Variants in CCDC93 observed in about 807,000 individuals in gnomAD.
CCDC93 encodes CCC complex scaffolding subunit CCDC93.
Under a neutral mutation model 108.2 loss-of-function variants are expected in CCDC93, and 61 were observed. That is an observed-to-expected ratio of 0.56 (90% CI 0.46 to 0.70). The LOEUF (loss-of-function observed/expected upper bound fraction) is 0.70, where lower values mean the gene tolerates loss of function less well. Among genes scored for constraint, CCDC93 ranks in the 30% least tolerant of loss-of-function variants. The pLI, the probability that CCDC93 is intolerant of heterozygous loss-of-function variation, is 0.00. For synonymous variants in CCDC93, 276 were observed against 260.4 expected, an observed-to-expected ratio of 1.06 and a Z score of -0.58; for missense variants, 685 against 764.2, an observed-to-expected ratio of 0.90 and a Z score of 1.22.
intron 3 of CCDC93, among the ~76,000 whole-genome samples, chr2:118,005,002 T>C (rs775505187): frequency 4.6e-5 from 7 of 152,210 alleles, no homozygotes; most frequent in Non-Finnish European, 7.3e-5. Flanking sequence ...AACTTATAAA[T>C]AGTCACATAA....
rs560592990 is a variant in CCDC93, at chr2:117,917,523, G to A, written c.*2820C>T. 6.6e-6 allele frequency: 1 copy of A among 152,578 alleles called. No individual in the cohort carries two copies. The highest frequency in any genetic ancestry group is 1.5e-5 in the Non-Finnish European group (1 of 68,048). The allele number at this position is 152,578 out of a possible 1,614,324, so 9.5% of individuals were successfully genotyped here. A position where few individuals can be genotyped will look rare whatever the true frequency, so the allele number is the denominator to read the frequency against. ...TGAAAATATTAAGGGCTACGAGCTA[G>A]AACCATTAAAACCATGAACTTCGGA... On this transcript the variant is annotated 3_prime_UTR_variant, in exon 24 of 24. Coordinates refer to ENST00000376300, the MANE Select transcript of CCDC93 (RefSeq NM_019044.5).
At chr2:118,006,228 G>T (rs1381855866) in intron 3 of CCDC93, among the ~76,000 whole-genome samples, 1 of 152,204 alleles carries the variant, frequency 6.6e-6, no homozygotes, top group East Asian at 1.9e-4. Flanking sequence ...GAGGCCCACA[G>T]AAGGAGTGGC....
At chr2:117,923,064 C>T (rs1179504851) in intron 23 of CCDC93, among the ~76,000 whole-genome samples, 1 of 150,926 alleles carries the variant, frequency 6.6e-6, no homozygotes, top group Non-Finnish European at 1.5e-5. Flanking sequence ...ATTTTAACAC[C>T]AAAAAATAAA....
chr2:117,977,360 C>T (rs1002411185), intron 8 of CCDC93, among the ~76,000 whole-genome samples: 5 of 152,096 alleles, frequency 3.3e-5, no homozygotes, highest in Non-Finnish European at 7.4e-5. Context: ...ACCTAAAAAG[C>T]AGAAATAAAC....
rs534862146 is a variant in CCDC93 at position 117,938,602 on chromosome 2, CCT to C, written c.1605+425_1605+426del. Among the ~76,000 whole-genome samples, 17 of 151,838 alleles carry C rather than the reference CCT, an allele frequency of 1.1e-4. No homozygotes were observed. The East Asian group carries it at 2.5e-3, about 22-fold the overall frequency. ...AGGGAGTGACAGTGACCCTTTCACCCCTGCTTTGAATTTTACAAACCTTTTAG... is the reference window on the plus strand; with the variant it reads ...AGGGAGTGACAGTGACCCTTTCACCCGCTTTGAATTTTACAAACCTTTTAG... On this transcript the variant is annotated intron_variant, in intron 20 of 23. Coordinates refer to ENST00000376300, the MANE Select transcript of CCDC93 (RefSeq NM_019044.5).
chr2:117,997,865 C>G (rs1398158755), intron 4 of CCDC93: 1 of 152,202 alleles, frequency 6.6e-6, no homozygotes, highest in African/African-American at 2.4e-5. Flanking sequence ...AATTGGGAGA[C>G]CCAGTTTCTG....
chr2:117,964,648 G>A (rs1679498102), intron 11 of CCDC93, among the ~76,000 whole-genome samples: 1 of 151,826 alleles, frequency 6.6e-6, no homozygotes, highest in African/African-American at 2.4e-5. Flanking sequence ...GCCCAGGCTG[G>A]AATGCAGTGG....
chr2:118,013,311 C>A (rs889016828), intron 1 of CCDC93, among the ~76,000 whole-genome samples: 1 of 152,244 alleles, frequency 6.6e-6, no homozygotes, highest in Non-Finnish European at 1.5e-5. Context: ...GAGCCGGGTC[C>A]CCCGCCACAC....
chr2:117,953,241 C>G (rs916269641), intron 12 of CCDC93, among the ~76,000 whole-genome samples: 6 of 152,154 alleles, frequency 3.9e-5, no homozygotes, highest in Admixed American at 3.3e-4. Context: ...ATCCTTGGGC[C>G]TGTAAGCAGC....
intron 7 of CCDC93, among the ~76,000 whole-genome samples, chr2:117,980,315 G>C (rs1282036974): frequency 1.3e-5 from 2 of 152,210 alleles, no homozygotes; most frequent in Non-Finnish European, 2.9e-5. Context: ...TCTTGCCCAA[G>C]TTTCCCACTC....
At chr2:117,999,954 G>A (rs78330194) in intron 4 of CCDC93, 10,420 of 150,828 alleles carry the variant, frequency 0.069, 504 homozygotes, top group Admixed American at 0.11. Context: ...ATGGAGGGCC[G>A]GCTGTTTGGG....
intron 11 of CCDC93, among the ~76,000 whole-genome samples, chr2:117,967,707 T>A (rs920086322): frequency 3.9e-5 from 6 of 152,228 alleles, no homozygotes; most frequent in African/African-American, 1.4e-4. Flanking sequence ...ACAAGTCACA[T>A]AATCTCGTTT....
chr2:117,931,100 G>A lies in CCDC93; in HGVS notation c.1779C>T (p.Asp593=). The A allele has an allele frequency of 1.9e-6, 3 of 1,613,976 alleles. No homozygotes were observed. Among genetic ancestry groups the A allele is most frequent in the Non-Finnish European group, 2.5e-6 (3 of 1,179,884 alleles). Residue 593 remains aspartate, a synonymous_variant, in exon 23 of 24, where the codon GAC becomes GAT. Coordinates refer to ENST00000376300, the MANE Select transcript of CCDC93 (RefSeq NM_019044.5). The part of the protein sequence containing the change: ...ENKMRRDQLN[D]QYLELLEKQR... ...GCTTTTCTAACAGCTCCAAGTACTG[G>A]TCGTTCAACTGGTCTCTTCTCATTT...
rs577827567 is a variant in CCDC93 at position 118,005,788 on chromosome 2, G to A, written c.251+934C>T. Among the ~76,000 whole-genome samples, 16 of 148,074 alleles carry A rather than the reference G, an allele frequency of 1.1e-4. No individual in the cohort carries two copies. The East Asian group carries it at 3.2e-3, about 29-fold the overall frequency. Reference sequence around the variant, plus strand: ...AAAAAGCTGGCTGATCTGAGCTACAGCTAAAGGCATATGCTTCTTTTGTCA... The same window carrying A: ...AAAAAGCTGGCTGATCTGAGCTACAACTAAAGGCATATGCTTCTTTTGTCA... On this transcript the variant is annotated intron_variant, in intron 3 of 23. Transcript: ENST00000376300.
chr2:117,922,030 G>C (rs1677886568), intron 23 of CCDC93, among the ~76,000 whole-genome samples: 3 of 150,194 alleles, frequency 2.0e-5, no homozygotes, highest in Admixed American at 2.0e-4. Flanking sequence ...AAATGGAGTG[G>C]AAGAGATGGA....
chr2:117,951,667 A>T (rs1558779231), intron 13 of CCDC93: 1 of 1,000,250 alleles, frequency 1.0e-6, no homozygotes, highest in East Asian at 1.1e-4. Flanking sequence ...AATCACAAGG[A>T]AGACAGCTTT....
At chr2:117,971,937 A>C (rs1037692130) in intron 11 of CCDC93, among the ~76,000 whole-genome samples, 2 of 152,216 alleles carry the variant, frequency 1.3e-5, no homozygotes, top group Admixed American at 1.3e-4. Flanking sequence ...TAAGTAATGA[A>C]TGTTTGACAC....
At chr2:117,930,298 G>C (rs193002032) in intron 23 of CCDC93, among the ~76,000 whole-genome samples, 29 of 152,142 alleles carry the variant, frequency 1.9e-4, no homozygotes, top group African/African-American at 6.8e-4. Context: ...CATGGATTTA[G>C]GTTAGGGAGA....
At chr2:118,004,438 A>C (rs1400423369) in intron 3 of CCDC93, among the ~76,000 whole-genome samples, 1 of 152,242 alleles carries the variant, frequency 6.6e-6, no homozygotes, top group East Asian at 1.9e-4. Flanking sequence ...CACATAAAGA[A>C]GACAGCTTGA....
Sources: gnomAD v4.1 joint callset for allele counts (sites outside exome capture counted in the v4.1 genomes callset) on GRCh38, gnomAD v4.1.1 for gene constraint, MANE v1.5 for transcripts, NCBI Gene and HGNC (gene_info 2026-07-23, HGNC 2026-07-21) for gene names.